SYTL3: variants seen among roughly 807,000 people sequenced by gnomAD.
SYTL3 encodes synaptotagmin like 3.
Under a neutral mutation model 82.1 loss-of-function variants are expected in SYTL3, and 88 were observed. The ratio of observed to expected loss-of-function variants is 1.07; its 90% CI spans 0.90 to 1.28. The LOEUF (loss-of-function observed/expected upper bound fraction) is 1.28. Among genes scored for constraint, SYTL3 ranks in the 50% most tolerant of loss-of-function variants. The pLI is 0.00. For missense variants in SYTL3, 831 were observed against 757.6 expected (o/e 1.10, Z -1.14); for synonymous variants, 311 against 289.4 (o/e 1.07, Z -0.76).
At chr6:158,660,426 A>G (rs1280361478) in intron 2 of SYTL3, among the ~76,000 whole-genome samples, 1 of 152,232 alleles carries the variant, frequency 6.6e-6, no homozygotes, top group Non-Finnish European at 1.5e-5. Flanking sequence ...GGGGAGCGTG[A>G]GCTCCCTCTT....
intron 8 of SYTL3, among the ~76,000 whole-genome samples, chr6:158,709,549 TA>T (rs1782529331): frequency 6.6e-6 from 1 of 152,152 alleles, no homozygotes; most frequent in Non-Finnish European, 1.5e-5. Context: ...TGTGAGAAAT[TA>T]ACAAAATAAT....
chr6:158,683,130 C>T (rs1778903304), intron 6 of SYTL3, 141 bp downstream of exon 6: 1 of 609,184 alleles, frequency 1.6e-6, no homozygotes. Context: ...TTTGCTGATG[C>T]TCTCACTGTA....
rs1022325496 is a variant in SYTL3 at position 158,761,940 on chromosome 6, C to G, written c.1415-136C>G. ...GGCAGGGCCAGCAGAGCCCACTGCA[C>G]CACTCCCATCTGCTCTCTCGGGGTC... On this transcript the variant is annotated intron_variant, in intron 15 of 17. Coordinates refer to ENST00000611299, the MANE Select transcript of SYTL3 (RefSeq NM_001242394.2). 8 of 631,750 alleles carry G rather than the reference C, an allele frequency of 1.3e-5. No individual in the cohort carries two copies. In the Admixed American group the frequency reaches 2.3e-4, roughly 18 times the overall value. 39.1% of individuals were successfully genotyped at this position (631,750 alleles called of 1,614,324 possible). A position where few individuals can be genotyped will look rare whatever the true frequency, so the allele number is the denominator to read the frequency against.
rs370729478 is a variant in SYTL3, at chr6:158,681,911, C to T, written c.330-1014C>T. Among the ~76,000 whole-genome samples the T allele has an allele frequency of 5.0e-4, 76 of 152,304 alleles. No individual in the cohort carries two copies. In the South Asian group the frequency reaches 0.013, roughly 27 times the overall value. The stretch of plus-strand genomic sequence containing the variant: ...TGTAGCCCATCACTTGTGCCAAGAG[C>T]GTCCCACAGTTGACATGATACATTG... On this transcript the variant is annotated intron_variant, in intron 5 of 17. Transcript: ENST00000611299.
chr6:158,746,243 T>C (rs1200707120), intron 12 of SYTL3, among the ~76,000 whole-genome samples: 1 of 151,962 alleles, frequency 6.6e-6, no homozygotes, highest in Non-Finnish European at 1.5e-5. Context: ...CAACTATGAA[T>C]TGGTGAGCGA....
At chr6:158,658,026 G>A (rs1381081495) in intron 2 of SYTL3, among the ~76,000 whole-genome samples, 3 of 152,060 alleles carry the variant, frequency 2.0e-5, no homozygotes, top group Admixed American at 1.3e-4. Context: ...CCAAGTAGGT[G>A]GGACTACAGG....
intron 7 of SYTL3, 140 bp downstream of exon 7, chr6:158,707,421 G>A (rs1196051319): frequency 1.7e-5 from 11 of 665,522 alleles, no homozygotes; most frequent in Non-Finnish European, 2.7e-5. Flanking sequence ...TTCTTTTAAA[G>A]ATAAAGTTCC....
In SYTL3 at chr6:158,748,715, G is replaced by A. The variant is rs540305360; in HGVS notation, c.1034+3057G>A. Among the ~76,000 whole-genome samples the A allele has an allele frequency of 9.9e-5, 15 of 151,522 alleles. No individual in the cohort carries two copies. In the East Asian group the frequency reaches 2.9e-3, roughly 30 times the overall value. The stretch of plus-strand genomic sequence containing the variant: ...CAAAAATTAGCCGGGCATGGTGGCA[G>A]GCACCTGTAATCCCAGCTACTAGGG... On this transcript the variant is annotated intron_variant, in intron 12 of 17. Coordinates refer to ENST00000611299, the MANE Select transcript of SYTL3 (RefSeq NM_001242394.2).
intron 10 of SYTL3, among the ~76,000 whole-genome samples, chr6:158,719,713 C>T (rs542037019): frequency 1.3e-4 from 20 of 152,228 alleles, no homozygotes; most frequent in Non-Finnish European, 2.2e-4. Flanking sequence ...CCCTGTGTGC[C>T]ACACGTGGTG....
intron 6 of SYTL3, among the ~76,000 whole-genome samples, chr6:158,696,841 A>G (rs974880538): frequency 1.3e-5 from 2 of 152,170 alleles, no homozygotes; most frequent in Admixed American, 6.5e-5. Flanking sequence ...GACCAATGGA[A>G]TAGAATAGAA....
chr6:158,760,686 C>T lies in SYTL3; in HGVS notation c.1355C>T (p.Thr452Ile). Residue 452 changes from threonine (T) to isoleucine (I), a missense_variant, in exon 15 of 18, where the codon ACA becomes ATA. Transcript: ENST00000611299. ...GTTCCTCAGAGTAATGGAGAGCTCA[C>T]AGTCCGGGCTAAGCTGGTTCTCCCT... ...DSVPQSNGEL[T>I]VRAKLVLPSR... The T allele has an allele frequency of 6.2e-7, 1 of 1,614,174 alleles. No individual in the cohort carries two copies. The highest frequency in any genetic ancestry group is 1.1e-5 in the South Asian group (1 of 91,088).
At chr6:158,746,238 A>G (rs1787623370) in intron 12 of SYTL3, among the ~76,000 whole-genome samples, 1 of 151,986 alleles carries the variant, frequency 6.6e-6, no homozygotes, top group African/African-American at 2.4e-5. Flanking sequence ...GGCTTCAACT[A>G]TGAATTGGTG....
intron 11 of SYTL3, among the ~76,000 whole-genome samples, chr6:158,739,570 A>C (rs958704984): frequency 1.3e-5 from 2 of 149,458 alleles, no homozygotes; most frequent in Admixed American, 6.7e-5. Flanking sequence ...CTCTCCCTCT[A>C]TCTCTCTCTC....
chr6:158,757,192 C>G lies in SYTL3; in HGVS notation c.1138-19C>G. 1 of 1,602,602 alleles carries G rather than the reference C, an allele frequency of 6.2e-7. No individual in the cohort carries two copies. Among genetic ancestry groups the G allele is most frequent in the Non-Finnish European group, 8.5e-7 (1 of 1,177,712 alleles). On this transcript the variant is annotated intron_variant, in intron 13 of 17. Coordinates refer to ENST00000611299, the MANE Select transcript of SYTL3 (RefSeq NM_001242394.2). ...GGGCCCCGGGAGCCCAGCTGACCATCTCTTCCTTGCCTCTGCAGTATCAGG... is the reference window on the plus strand; with the variant it reads ...GGGCCCCGGGAGCCCAGCTGACCATGTCTTCCTTGCCTCTGCAGTATCAGG...
At chr6:158,759,778 A>T (rs548418852) in intron 14 of SYTL3, among the ~76,000 whole-genome samples, 1 of 152,172 alleles carries the variant, frequency 6.6e-6, no homozygotes, top group Non-Finnish European at 1.5e-5. Context: ...AGGTGATCCC[A>T]CCTTGGCCTC....
chr6:158,712,887 T>C (rs1782918965), intron 8 of SYTL3, among the ~76,000 whole-genome samples: 1 of 151,928 alleles, frequency 6.6e-6, no homozygotes. Flanking sequence ...GCCTCCCAAG[T>C]AGCTGGGATT....
At chr6:158,671,741 A>AG (rs1451270362) in intron 5 of SYTL3, among the ~76,000 whole-genome samples, 1 of 114,646 alleles carries the variant, frequency 8.7e-6, no homozygotes, top group Non-Finnish European at 1.7e-5. Context: ...GTCTAAAAAA[A>AG]AAAAAAAAGA....
intron 6 of SYTL3, among the ~76,000 whole-genome samples, chr6:158,693,568 A>G (rs900503380): frequency 3.9e-5 from 6 of 152,164 alleles, no homozygotes; most frequent in African/African-American, 1.2e-4. Context: ...CATTTTTAGT[A>G]GAGATGGGGT....
intron 12 of SYTL3, 41 bp from the exon 13 acceptor site, chr6:158,751,887 C>T (rs1788432916): frequency 3.4e-6 from 5 of 1,467,380 alleles, no homozygotes; most frequent in Middle Eastern, 3.4e-4. Context: ...CCACCCCTTT[C>T]CCTGAGTTCT....
Sources: allele counts gnomAD v4.1 joint callset (sites outside exome capture counted in the v4.1 genomes callset), GRCh38; gene constraint gnomAD v4.1.1; transcripts MANE v1.5; gene names NCBI Gene and HGNC (gene_info 2026-07-23, HGNC 2026-07-21).